The following KCND2 variants were observed in gnomAD, a reference collection of about 807,000 sequenced individuals.
The protein encoded by KCND2 is potassium voltage-gated channel subfamily D member 2.
Under a neutral mutation model 54.4 loss-of-function variants are expected in KCND2, and 16 were observed. The ratio of observed to expected loss-of-function variants is 0.29; its 90% CI spans 0.20 to 0.45. The LOEUF (loss-of-function observed/expected upper bound fraction) is 0.45. Ranked by LOEUF, KCND2 falls within the 20% of genes least tolerant of loss-of-function variation. The probability of loss-of-function intolerance (pLI) is 1.00; values close to 1 mark genes in which losing one functional copy is unlikely to be tolerated. For synonymous variants in KCND2, 317 were observed against 310.7 expected (o/e 1.02, Z -0.21); for missense variants, 486 against 824.2 (o/e 0.59, Z 5.02).
intron 1 of KCND2, among the ~76,000 whole-genome samples, chr7:120,537,753 G>A (rs1791929967): frequency 6.6e-6 from 1 of 152,146 alleles, no homozygotes; most frequent in South Asian, 2.1e-4. Context: ...ACCTGTGCTA[G>A]CTTCAAATTT....
intron 1 of KCND2, among the ~76,000 whole-genome samples, chr7:120,569,514 G>T (rs1225310736): frequency 6.6e-6 from 1 of 152,096 alleles, no homozygotes; most frequent in Non-Finnish European, 1.5e-5. Flanking sequence ...AAGCCTGCCT[G>T]TGCCTGCCCC....
intron 1 of KCND2, among the ~76,000 whole-genome samples, chr7:120,599,019 A>G (rs766101086): frequency 6.6e-6 from 1 of 152,144 alleles, no homozygotes; most frequent in Non-Finnish European, 1.5e-5. Flanking sequence ...TGATGTATAG[A>G]TTGAGGATCA....
intron 1 of KCND2, among the ~76,000 whole-genome samples, chr7:120,629,522 C>T (rs1201901449): frequency 2.0e-5 from 3 of 152,126 alleles, no homozygotes; most frequent in African/African-American, 7.2e-5. Context: ...GGATGCAAAA[C>T]AAATGACACA....
At chr7:120,530,856 T>C (rs1791835097) in intron 1 of KCND2, among the ~76,000 whole-genome samples, 1 of 152,142 alleles carries the variant, frequency 6.6e-6, no homozygotes, top group Admixed American at 6.6e-5. Flanking sequence ...TTATTTTTAC[T>C]GTCTCTCACC....
chr7:120,618,171 A>C (rs1019902026), intron 1 of KCND2, among the ~76,000 whole-genome samples: 5 of 152,218 alleles, frequency 3.3e-5, no homozygotes, highest in Non-Finnish European at 7.3e-5. Flanking sequence ...TAAAAGTTGA[A>C]ATAAAAGAAA....
chr7:120,620,548 C>T (rs890328057), intron 1 of KCND2, among the ~76,000 whole-genome samples: 1 of 152,172 alleles, frequency 6.6e-6, no homozygotes, highest in East Asian at 1.9e-4. Flanking sequence ...GGCTAAATTT[C>T]TTGGGGACAC....
intron 1 of KCND2, among the ~76,000 whole-genome samples, chr7:120,487,490 T>A (rs951323872): frequency 6.6e-6 from 1 of 151,910 alleles, no homozygotes; most frequent in Admixed American, 6.6e-5. Context: ...TAGAATGAAA[T>A]AAAATGCCAT....
At chr7:120,459,607 C>T (rs1034918936) in intron 1 of KCND2, among the ~76,000 whole-genome samples, 6 of 152,178 alleles carry the variant, frequency 3.9e-5, no homozygotes, top group Admixed American at 6.5e-5. Context: ...GCTGTGTCCA[C>T]ATTGCCTAAA....
chr7:120,375,417 A>G (rs1800822952), intron 1 of KCND2, among the ~76,000 whole-genome samples: 1 of 151,784 alleles, frequency 6.6e-6, no homozygotes, highest in Admixed American at 6.6e-5. Flanking sequence ...CATAATGCTT[A>G]TTACATACCA....
intron 1 of KCND2, among the ~76,000 whole-genome samples, chr7:120,544,259 G>C (rs1792017078): frequency 6.6e-6 from 1 of 151,848 alleles, no homozygotes; most frequent in Admixed American, 6.6e-5. Flanking sequence ...AAGACAGAAA[G>C]GTAATTACAG....
chr7:120,411,042 G>T (rs549157782), intron 1 of KCND2, among the ~76,000 whole-genome samples: 2 of 151,930 alleles, frequency 1.3e-5, no homozygotes, highest in African/African-American at 4.8e-5. Context: ...AAACCCCATC[G>T]TCTCAGCCCA....
chr7:120,734,004 A>T (rs1383494306), intron 2 of KCND2, among the ~76,000 whole-genome samples: 1 of 152,150 alleles, frequency 6.6e-6, no homozygotes, highest in Admixed American at 6.6e-5. Context: ...GAAAAGTTTA[A>T]TTGAGCAAAG....
At chr7:120,309,474 TACACACACACACACACACACAC>T (rs1209573900) in intron 1 of KCND2, among the ~76,000 whole-genome samples, 19 of 113,262 alleles carry the variant, frequency 1.7e-4, no homozygotes, top group East Asian at 3.0e-4. Flanking sequence ...TATATATATA[TACACACACACACACACACACAC>T]ACACACATAT....
chr7:120,334,931 C>T (rs1278504453), intron 1 of KCND2, among the ~76,000 whole-genome samples: 1 of 152,120 alleles, frequency 6.6e-6, no homozygotes, highest in East Asian at 1.9e-4. Flanking sequence ...GTTCAGTAAT[C>T]CATTCTCCAA....
chr7:120,546,258 C>T (rs1053361354), intron 1 of KCND2, among the ~76,000 whole-genome samples: 1 of 151,772 alleles, frequency 6.6e-6, no homozygotes, highest in African/African-American at 2.4e-5. Context: ...CGGTTCTAAC[C>T]CTGATACTGT....
In KCND2 at chr7:120,341,900, G is replaced by T. The variant is rs370985294; in HGVS notation, c.1115+66153G>T. On this transcript the variant is annotated intron_variant, in intron 1 of 5. Coordinates refer to ENST00000331113, the MANE Select transcript of KCND2 (RefSeq NM_012281.3). ...TGATCAATATAATCTGCCGACCAGA[G>T]ATTGAAAGCTGGGATTTACAGGGAT... Among the ~76,000 whole-genome samples, 60 of 152,228 alleles carry T rather than the reference G, an allele frequency of 3.9e-4. 1 individual carries two copies. Among genetic ancestry groups the T allele is most frequent in the South Asian group, 2.3e-3 (11 of 4,818 alleles).
chr7:120,314,069 CA>C (rs555042766), intron 1 of KCND2, among the ~76,000 whole-genome samples: 190 of 84,962 alleles, frequency 2.2e-3, no homozygotes, highest in Admixed American at 2.6e-3. Flanking sequence ...AGTGTAAATA[CA>C]AAAAAAAAAA....
intron 1 of KCND2, among the ~76,000 whole-genome samples, chr7:120,485,672 C>A (rs191418353): frequency 3.0e-3 from 461 of 152,284 alleles, no homozygotes; most frequent in African/African-American, 0.011. Context: ...AAATTCAGAA[C>A]AATTACCACC....
Position 120,487,619 on chromosome 7 carries a change from C to T in KCND2, c.1115+211872C>T, listed in dbSNP as rs765596101. On this transcript the variant is annotated intron_variant, in intron 1 of 5. Transcript: ENST00000331113. ...TTGTTCTTCTCCCTCTGTCTCCCTA[C>T]CCAGGTGGGAGGTCCAAATGCAGTG... is the stretch of plus-strand genomic sequence containing the variant. 4.6e-5 allele frequency among the ~76,000 whole-genome samples: 7 copies of T among 152,142 alleles called. No homozygotes were observed. The South Asian group carries it at 1.5e-3, about 32-fold the overall frequency.
Sources: allele counts gnomAD v4.1 joint callset (sites outside exome capture counted in the v4.1 genomes callset), GRCh38; gene constraint gnomAD v4.1.1; transcripts MANE v1.5; gene names NCBI Gene and HGNC (gene_info 2026-07-23, HGNC 2026-07-21).